The following PPARGC1A variants were observed in gnomAD, a reference collection of about 807,000 sequenced individuals.
The protein encoded by PPARGC1A is peroxisome proliferator-activated receptor gamma coactivator 1-alpha.
PPARGC1A carries 25 observed loss-of-function variants against 88.7 expected under a neutral mutation model. The ratio of observed to expected loss-of-function variants is 0.28; its 90% CI spans 0.21 to 0.39. The LOEUF is 0.39. PPARGC1A is among the 10% of genes least tolerant of loss of function. PPARGC1A has a pLI of 1.00. For missense variants in PPARGC1A, 880 were observed against 968.7 expected, an observed-to-expected ratio of 0.91 and a Z score of 1.22; for synonymous variants, 363 against 355.6, an observed-to-expected ratio of 1.02 and a Z score of -0.24.
chr4:24,444,672 C>A, the PPARGC1A span, among the ~76,000 whole-genome samples: 2 of 152,142 alleles, frequency 1.3e-5, no homozygotes, highest in African/African-American at 4.8e-5. Context: ...GGCCTCCTAG[C>A]AAAGACCACC....
At chr4:24,395,200 A>G in the PPARGC1A span, among the ~76,000 whole-genome samples, 1 of 152,204 alleles carries the variant, frequency 6.6e-6, no homozygotes, top group African/African-American at 2.4e-5. Context: ...GGAAAACTCA[A>G]AGTAAGGACC....
chr4:24,231,976 T>C, the PPARGC1A span, among the ~76,000 whole-genome samples: 1 of 152,212 alleles, frequency 6.6e-6, no homozygotes, highest in African/African-American at 2.4e-5. Flanking sequence ...AGAGAAAAAC[T>C]TTTCAAATTC....
chr4:24,229,309 A>G, the PPARGC1A span, among the ~76,000 whole-genome samples: 3 of 150,324 alleles, frequency 2.0e-5, no homozygotes, highest in South Asian at 6.4e-4. Flanking sequence ...ACGCGCCACC[A>G]CGCTAATTTT....
At chr4:23,898,679 G>C (rs1402542133) in intron 1 of PPARGC1A, among the ~76,000 whole-genome samples, 4 of 152,138 alleles carry the variant, frequency 2.6e-5, no homozygotes, top group Non-Finnish European at 5.9e-5. Context: ...TCTGCAAAAA[G>C]AGGTTGATGA....
At chr4:24,471,759 T>C in the PPARGC1A span, among the ~76,000 whole-genome samples, 1 of 152,338 alleles carries the variant, frequency 6.6e-6, no homozygotes, top group East Asian at 1.9e-4. This position sits in a 1 kb window ranked among gnomAD's most constrained non-coding sequence, Gnocchi z 5.4. Context: ...GTTAAGTGTG[T>C]TTGTGGGGTG....
At chr4:24,092,619 C>T in the PPARGC1A span, among the ~76,000 whole-genome samples, 1 of 152,156 alleles carries the variant, frequency 6.6e-6, no homozygotes, top group East Asian at 1.9e-4. Context: ...TGTTCCATGG[C>T]TGGTAATTTT....
the PPARGC1A span, among the ~76,000 whole-genome samples, chr4:24,120,438 C>A: frequency 6.6e-6 from 1 of 152,188 alleles, no homozygotes; most frequent in African/African-American, 2.4e-5. Context: ...GTACTGATTC[C>A]TGTCCTTTAC....
chr4:24,242,896 A>G, the PPARGC1A span, among the ~76,000 whole-genome samples: 1 of 151,968 alleles, frequency 6.6e-6, no homozygotes, highest in Non-Finnish European at 1.5e-5. Flanking sequence ...CACCCTTCAC[A>G]ACTCAGAGAA....
the PPARGC1A span, among the ~76,000 whole-genome samples, chr4:24,424,293 TGA>T: frequency 8.7e-6 from 1 of 115,552 alleles, no homozygotes. Flanking sequence ...TTTTTTTTTT[TGA>T]GACAGAGTCT....
chr4:23,796,017 A>G (rs910896005), intron 12 of PPARGC1A, 92 bp from the exon 13 acceptor site: 1 of 856,248 alleles, frequency 1.2e-6, no homozygotes, highest in South Asian at 1.4e-5. Flanking sequence ...TTCGATAACA[A>G]CTCTTCCAAT....
the PPARGC1A span, among the ~76,000 whole-genome samples, chr4:24,079,488 C>A: frequency 6.6e-6 from 1 of 151,848 alleles, no homozygotes; most frequent in Non-Finnish European, 1.5e-5. Context: ...TGTATGAGAT[C>A]TTCATTTGTT....
chr4:24,408,959 T>C, the PPARGC1A span, among the ~76,000 whole-genome samples: 4 of 152,214 alleles, frequency 2.6e-5, no homozygotes, highest in Non-Finnish European at 4.4e-5. Context: ...TAAAGATTTA[T>C]AGAAGAAATG....
intron 5 of PPARGC1A, 130 bp downstream of exon 5, chr4:23,828,270 T>C: frequency 1.1e-6 from 1 of 941,968 alleles, no homozygotes; most frequent in Non-Finnish European, 1.6e-6. Context: ...CTGTAATAAG[T>C]GCTGAATTCT....
At chr4:23,916,367 G>A in the PPARGC1A span, among the ~76,000 whole-genome samples, 1 of 152,126 alleles carries the variant, frequency 6.6e-6, no homozygotes, top group Non-Finnish European at 1.5e-5. Context: ...AGAAAATGCA[G>A]AAAGATAGAA....
chr4:23,922,423 C>T, the PPARGC1A span, among the ~76,000 whole-genome samples: 1 of 152,188 alleles, frequency 6.6e-6, no homozygotes, highest in Admixed American at 6.5e-5. Context: ...TTCTTTCCCC[C>T]AGAAATGGCA....
chr4:24,463,033 T>G, the PPARGC1A span, among the ~76,000 whole-genome samples: 1 of 152,058 alleles, frequency 6.6e-6, no homozygotes, highest in Admixed American at 6.6e-5. Context: ...TAGAGATTTT[T>G]TTCCATTCCC....
the PPARGC1A span, among the ~76,000 whole-genome samples, chr4:23,946,210 T>G: frequency 6.6e-6 from 1 of 152,120 alleles, no homozygotes; most frequent in Non-Finnish European, 1.5e-5. Context: ...CCAACAGAAA[T>G]TATAGACTTT....
At chr4:23,899,319 A>C (rs995479640), upstream of PPARGC1A, 4 of 152,220 alleles carry the variant, frequency 2.6e-5, 1 homozygote, top group Admixed American at 1.3e-4. Context: ...TGTCTTCTCT[A>C]TGACATCATT....
intron 1 of PPARGC1A, among the ~76,000 whole-genome samples, chr4:23,898,897 G>A (rs537364178): frequency 6.8e-6 from 1 of 147,600 alleles, no homozygotes; most frequent in African/African-American, 2.5e-5. Flanking sequence ...ATACAGTGGT[G>A]CAATCTCAGC....
Sources: gnomAD v4.1 joint callset for allele counts (sites outside exome capture counted in the v4.1 genomes callset) on GRCh38, gnomAD v4.1.1 for gene constraint, Gnocchi (gnomAD v3.1) non-coding constraint, MANE v1.5 for transcripts, NCBI Gene and HGNC (gene_info 2026-07-23, HGNC 2026-07-21) for gene names.